IMMP2L: variants seen among roughly 807,000 people sequenced by gnomAD.
IMMP2L encodes the protein mitochondrial inner membrane protease subunit 2.
IMMP2L carries 18 observed loss-of-function variants against 19.3 expected under a neutral mutation model. The ratio of observed to expected loss-of-function variants is 0.93; its 90% CI spans 0.64 to 1.38. IMMP2L has a LOEUF of 1.38. IMMP2L is among the 40% of genes most tolerant of loss of function. IMMP2L has a pLI of 0.00. For synonymous variants in IMMP2L, 76 were observed against 73.0 expected, an observed-to-expected ratio of 1.04 and a Z score of -0.21; for missense variants, 233 against 218.2, an observed-to-expected ratio of 1.07 and a Z score of -0.43.
intron 3 of IMMP2L, among the ~76,000 whole-genome samples, chr7:111,280,054 A>T (rs1819525191): frequency 6.6e-6 from 1 of 151,866 alleles, no homozygotes; most frequent in South Asian, 2.1e-4. Context: ...AAGTCAACTC[A>T]CTCCTCTTAA....
At chr7:110,995,649 T>C (rs1336463620) in intron 3 of IMMP2L, among the ~76,000 whole-genome samples, 3 of 152,098 alleles carry the variant, frequency 2.0e-5, no homozygotes, top group Non-Finnish European at 4.4e-5. Flanking sequence ...GAGAATCAGG[T>C]GGTTTCCAAG....
At chr7:111,543,080 T>G (rs1848625946) in intron 1 of IMMP2L, among the ~76,000 whole-genome samples, 1 of 152,158 alleles carries the variant, frequency 6.6e-6, no homozygotes, top group South Asian at 2.1e-4. Context: ...CAACATGACC[T>G]TTCAAATATA....
At chr7:110,674,222 T>C (rs1363826877) in intron 5 of IMMP2L, among the ~76,000 whole-genome samples, 1 of 152,154 alleles carries the variant, frequency 6.6e-6, no homozygotes, top group African/African-American at 2.4e-5. Context: ...AAGCCCTTTA[T>C]AAAACCACCA....
intron 3 of IMMP2L, among the ~76,000 whole-genome samples, chr7:111,167,619 C>T (rs1210481821): frequency 6.6e-6 from 1 of 151,846 alleles, no homozygotes; most frequent in Non-Finnish European, 1.5e-5. Flanking sequence ...TATTGACGAA[C>T]ATGCTTCCCA....
chr7:111,172,602 T>C (rs193297925), intron 3 of IMMP2L, among the ~76,000 whole-genome samples: 1 of 151,558 alleles, frequency 6.6e-6, no homozygotes, highest in African/African-American at 2.4e-5. Flanking sequence ...TCCTCCTATC[T>C]AGCTGTACAT....
intron 3 of IMMP2L, among the ~76,000 whole-genome samples, chr7:111,082,282 A>G (rs1305871517): frequency 6.6e-6 from 1 of 152,198 alleles, no homozygotes; most frequent in African/African-American, 2.4e-5. Context: ...AGCAGGAATT[A>G]AGAATAGGTC....
In IMMP2L at chr7:111,145,154, A is replaced by G. The variant is rs560867890; in HGVS notation, c.240-181589T>C. On this transcript the variant is annotated intron_variant, in intron 3 of 5. Coordinates refer to ENST00000405709, the MANE Select transcript of IMMP2L (RefSeq NM_032549.4). ...GGAGAGGAAACTAGAGAATATGCTGAGAAATACAACTGAAGACATATACTC... is the reference window on the plus strand; with the variant it reads ...GGAGAGGAAACTAGAGAATATGCTGGGAAATACAACTGAAGACATATACTC... 1.0e-3 allele frequency among the ~76,000 whole-genome samples: 157 copies of G among 152,234 alleles called. 1 individual carries two copies. Among genetic ancestry groups the G allele is most frequent in the African/African-American group, 3.7e-3 (153 of 41,556 alleles).
chr7:111,220,619 T>C (rs1812409763), intron 3 of IMMP2L, among the ~76,000 whole-genome samples: 1 of 151,484 alleles, frequency 6.6e-6, no homozygotes, highest in Admixed American at 6.6e-5. Flanking sequence ...GATGGATGGA[T>C]GGATACAGAG....
At chr7:111,077,077 A>T (rs1366942067) in intron 3 of IMMP2L, among the ~76,000 whole-genome samples, 2 of 152,366 alleles carry the variant, frequency 1.3e-5, no homozygotes, top group East Asian at 3.9e-4. Context: ...TATTTGGTGC[A>T]GAAATTCACA....
At chr7:110,872,713 C>T (rs902423080) in intron 5 of IMMP2L, among the ~76,000 whole-genome samples, 5 of 152,174 alleles carry the variant, frequency 3.3e-5, no homozygotes, top group African/African-American at 1.2e-4. Flanking sequence ...CATTTCTCAA[C>T]TAGATCCTGC....
At chr7:111,370,316 C>A (rs1456920486) in intron 3 of IMMP2L, among the ~76,000 whole-genome samples, 1 of 151,928 alleles carries the variant, frequency 6.6e-6, no homozygotes, top group Non-Finnish European at 1.5e-5. Context: ...CATGAATCTA[C>A]ACCTTATAGT....
chr7:111,241,781 TTC>T (rs1321768286), intron 3 of IMMP2L, among the ~76,000 whole-genome samples: 4 of 151,746 alleles, frequency 2.6e-5, no homozygotes, highest in African/African-American at 9.7e-5. Flanking sequence ...TTACCAGATT[TTC>T]TCTGTCTCTG....
chr7:110,793,886 A>G (rs938260837), intron 5 of IMMP2L, among the ~76,000 whole-genome samples: 1 of 152,194 alleles, frequency 6.6e-6, no homozygotes, highest in African/African-American at 2.4e-5. Flanking sequence ...GCATATATAC[A>G]GATGGCAAAT....
intron 3 of IMMP2L, chr7:111,096,878 A>T (rs1476929407): frequency 6.6e-6 from 1 of 151,962 alleles, no homozygotes; most frequent in East Asian, 1.9e-4. Context: ...TAAACTACTA[A>T]AGTCAAAATG....
chr7:110,789,428 A>C (rs1166112200), intron 5 of IMMP2L, among the ~76,000 whole-genome samples: 1 of 151,696 alleles, frequency 6.6e-6, no homozygotes, highest in Admixed American at 6.6e-5. Flanking sequence ...AAACCCTATG[A>C]AGTCCAGCTC....
chr7:111,272,303 C>A (rs1818552044), intron 3 of IMMP2L, among the ~76,000 whole-genome samples: 1 of 152,164 alleles, frequency 6.6e-6, no homozygotes, highest in South Asian at 2.1e-4. Context: ...TATAAACAGT[C>A]TCCACCTTGC....
chr7:110,707,138 A>C (rs1463955642), intron 5 of IMMP2L, among the ~76,000 whole-genome samples: 1 of 85,820 alleles, frequency 1.2e-5, no homozygotes, highest in Non-Finnish European at 2.3e-5. Flanking sequence ...TATATCTCCC[A>C]ATGCTATCCC....
intron 3 of IMMP2L, among the ~76,000 whole-genome samples, chr7:111,046,151 TGAA>T (rs1465787431): frequency 2.0e-5 from 3 of 151,572 alleles, no homozygotes; most frequent in Non-Finnish European, 2.9e-5. Context: ...CAAGTACAAA[TGAA>T]GAAGAAACAA....
chr7:111,500,882 G>A (rs1437714289), intron 2 of IMMP2L, among the ~76,000 whole-genome samples: 4 of 152,108 alleles, frequency 2.6e-5, no homozygotes, highest in African/African-American at 4.8e-5. Context: ...GAAAAACAGA[G>A]CAGAAAAACT....
Sources: allele counts gnomAD v4.1 joint callset (sites outside exome capture counted in the v4.1 genomes callset), GRCh38; gene constraint gnomAD v4.1.1; transcripts MANE v1.5; gene names NCBI Gene and HGNC (gene_info 2026-07-23, HGNC 2026-07-21).